HLA-DPB1: variants seen among roughly 807,000 people sequenced by gnomAD.
HLA-DPB1 encodes the protein major histocompatibility complex, class II, DP beta 1.
HLA-DPB1 carries 30 observed loss-of-function variants against 29.4 expected under a neutral mutation model. The observed-to-expected ratio is 1.02, with a 90% CI of 0.76 to 1.38. The LOEUF is 1.38. HLA-DPB1 is among the 40% of genes most tolerant of loss of function. The probability of loss-of-function intolerance (pLI) is 0.00; values close to 1 mark genes in which losing one functional copy is unlikely to be tolerated. For missense variants in HLA-DPB1, 261 were observed against 327.5 expected (o/e 0.80, Z 1.57); for synonymous variants, 114 against 134.0 (o/e 0.85, Z 1.03).
chr6:33,089,121 G>T lies in HLA-DPB1; in HGVS notation c.*2587G>T, dbSNP rs1222047323. Reference sequence around the variant, plus strand: ...TGGAAGGAGGTGGGAGTTGGGCATCGGGTGTGAAGATGCTCTTGAAAGGGG... The same window carrying T: ...TGGAAGGAGGTGGGAGTTGGGCATCTGGTGTGAAGATGCTCTTGAAAGGGG... On this transcript the variant is annotated 3_prime_UTR_variant, in exon 6 of 6. Coordinates refer to ENST00000418931, the MANE Select transcript of HLA-DPB1 (RefSeq NM_002121.6). 6.6e-6 allele frequency among the ~76,000 whole-genome samples: 1 copy of T among 152,120 alleles called. No individual in the cohort carries two copies. Among genetic ancestry groups the T allele is most frequent in the Admixed American group, 6.5e-5 (1 of 15,282 alleles).
intron 1 of HLA-DPB1, among the ~76,000 whole-genome samples, chr6:33,077,887 T>C (rs750266377): frequency 2.4e-4 from 36 of 149,724 alleles, no homozygotes; most frequent in Admixed American, 6.1e-4. Context: ...TACCTTGGGT[T>C]CATTGTCCAG....
chr6:33,088,061 AC>A lies in HLA-DPB1; in HGVS notation c.*1530del, dbSNP rs1413132355. Among the ~76,000 whole-genome samples the A allele has an allele frequency of 4.0e-5, 5 of 126,006 alleles. No individual in the cohort carries two copies. The highest frequency in any genetic ancestry group is 1.5e-4 in the African/African-American group (4 of 27,478). The allele number at this position is 126,006 out of a possible 152,430, so 82.7% of individuals were successfully genotyped here. ...GGAAGACAGTATATAGTAAATAAGG[AC>A]CCTTTATCTGTCTTATTTTCCCTTT... On this transcript the variant is annotated 3_prime_UTR_variant, in exon 6 of 6. Transcript: ENST00000418931.
chr6:33,082,718 A>T (rs1762929073), intron 2 of HLA-DPB1, among the ~76,000 whole-genome samples: 1 of 152,142 alleles, frequency 6.6e-6, no homozygotes, highest in Non-Finnish European at 1.5e-5. Context: ...AAGGGGGAGG[A>T]AAGAAGTAGT....
At chr6:33,085,542 A>G (rs1763058469) in intron 3 of HLA-DPB1, among the ~76,000 whole-genome samples, 1 of 152,138 alleles carries the variant, frequency 6.6e-6, no homozygotes, top group Non-Finnish European at 1.5e-5. Context: ...TCAGCATTTT[A>G]GCCTCTTCTC....
chr6:33,085,996 C>G, intron 4 of HLA-DPB1, 107 bp downstream of exon 4: 1 of 795,374 alleles, frequency 1.3e-6, no homozygotes, highest in East Asian at 2.6e-5. Flanking sequence ...GCTCTAGAGG[C>G]CACTGATATC....
intron 1 of HLA-DPB1, among the ~76,000 whole-genome samples, chr6:33,076,379 G>GTATGGT (rs9282410): frequency 1.3e-5 from 2 of 151,756 alleles, no homozygotes; most frequent in South Asian, 4.1e-4. Context: ...CCAGTGGTCA[G>GTATGGT]TGTCTTTGGG....
rs1188513737 is a variant in HLA-DPB1 at position 33,086,030 on chromosome 6, C to T, written c.757+141C>T. The T allele has an allele frequency of 2.1e-5, 16 of 771,380 alleles. No individual in the cohort carries two copies. In the Admixed American group the frequency reaches 2.5e-4, roughly 12 times the overall value. 47.8% of individuals were successfully genotyped at this position (771,380 alleles called of 1,614,324 possible). A position where few individuals can be genotyped will look rare whatever the true frequency, so the allele number is the denominator to read the frequency against. On this transcript the variant is annotated intron_variant, in intron 4 of 5. Coordinates refer to ENST00000418931, the MANE Select transcript of HLA-DPB1 (RefSeq NM_002121.6). ...TCAGATAATCGGGGAACAAACATGA[C>T]CTATAGCGAGAGAGGGATCCCAGGC...
intron 2 of HLA-DPB1, chr6:33,082,146 A>T: frequency 6.6e-6 from 1 of 152,270 alleles, no homozygotes; most frequent in Middle Eastern, 3.2e-3. Context: ...GAGGTGAGTG[A>T]CATGAGCTTA....
At chr6:33,083,159 T>C (rs1448757215) in intron 2 of HLA-DPB1, among the ~76,000 whole-genome samples, 2 of 152,168 alleles carry the variant, frequency 1.3e-5, no homozygotes, top group African/African-American at 4.8e-5. Flanking sequence ...TAAACTCACA[T>C]TGAGGGAAGA....
intron 1 of HLA-DPB1, among the ~76,000 whole-genome samples, chr6:33,078,308 G>C (rs959480953): frequency 1.3e-5 from 2 of 152,116 alleles, no homozygotes; most frequent in Non-Finnish European, 2.9e-5. Flanking sequence ...ATCAAAACCT[G>C]CTGGAGGGAG....
chr6:33,084,880 G>A (rs914581797), intron 2 of HLA-DPB1, 70 bp from the exon 3 acceptor site: 1 of 557,082 alleles, frequency 1.8e-6, no homozygotes, highest in Non-Finnish European at 2.5e-6. Flanking sequence ...AAGGAAGGAA[G>A]GAAGGAAGGA....
Position 33,085,021 on chromosome 6 carries a change from G to T in HLA-DPB1, c.436G>T (p.Val146Leu), listed in dbSNP as rs1230531027. The change falls in exon 3 of 6, where the codon GTG becomes TTG. Residue 146 changes from valine to leucine, a missense_variant. Val to Leu is a conservative substitution (Grantham distance 32, BLOSUM62 1). Coordinates refer to ENST00000418931, the MANE Select transcript of HLA-DPB1 (RefSeq NM_002121.6). ...GCACCACAACCTGCTTGTCTGCCACGTGACGGATTTCTACCCAGGCAGCAT... is the reference window on the plus strand; with the variant it reads ...GCACCACAACCTGCTTGTCTGCCACTTGACGGATTTCTACCCAGGCAGCAT... Reference protein sequence around the residue: ...LQHHNLLVCHVTDFYPGSIQV... With the variant: ...LQHHNLLVCHLTDFYPGSIQV... 9.9e-6 allele frequency: 16 copies of T among 1,613,114 alleles called. 2 individuals are homozygous for T. Among genetic ancestry groups the T allele is most frequent in the Non-Finnish European group, 1.4e-5 (16 of 1,179,694 alleles).
rs529260101 is a variant in HLA-DPB1, at chr6:33,081,078, T to C, written c.364+143T>C. The C allele has an allele frequency of 9.1e-6, 9 of 987,788 alleles. No individual in the cohort carries two copies. The South Asian group carries it at 1.0e-4, about 11-fold the overall frequency. 61.2% of individuals were successfully genotyped at this position (987,788 alleles called of 1,614,324 possible). A position where few individuals can be genotyped will look rare whatever the true frequency, so the allele number is the denominator to read the frequency against. ...GTTGGGGATTCATGGGGGGAGCCCA[T>C]CTGGAGCTTGTCAGGGGAGCGAGCG... On this transcript the variant is annotated intron_variant, in intron 2 of 5. Transcript: ENST00000418931.
chr6:33,076,047 G>A lies in HLA-DPB1; in HGVS notation c.6G>A (p.Met2Ile), dbSNP rs1169806514. ...TGCCATCCTTTTCCAGCTCCATGAT[G>A]GTTCTGCAGGTTTCTGCGGCCCCCC... Reference protein sequence around the residue: MMVLQVSAAPRT... With the variant: MIVLQVSAAPRT... Residue 2 changes from methionine to isoleucine, a missense_variant, in exon 1 of 6, where the codon ATG becomes ATA. Met to Ile is a conservative substitution (Grantham distance 10, BLOSUM62 1). Coordinates refer to ENST00000418931, the MANE Select transcript of HLA-DPB1 (RefSeq NM_002121.6). 2 of 1,611,442 alleles carry A rather than the reference G, an allele frequency of 1.2e-6. No individual in the cohort carries two copies. Among genetic ancestry groups the A allele is most frequent in the Non-Finnish European group, 1.7e-6 (2 of 1,179,278 alleles).
Position 33,085,209 on chromosome 6 carries a change from T to C in HLA-DPB1, c.624T>C (p.Asp208=), listed in dbSNP as rs1071597. The change falls in exon 3 of 6, where the codon GAT becomes GAC. Residue 208 remains aspartate (D), a synonymous_variant. Coordinates refer to ENST00000418931, the MANE Select transcript of HLA-DPB1 (RefSeq NM_002121.6). ...GCCAAGTGGAGCACACCAGCCTGGATAGTCCTGTCACCGTGGAGTGGAGTG... is the reference window on the plus strand; with the variant it reads ...GCCAAGTGGAGCACACCAGCCTGGACAGTCCTGTCACCGTGGAGTGGAGTG... ...YTCQVEHTSL[D]SPVTVEWKAQ... 0.31 allele frequency: 493,939 copies of C among 1,576,920 alleles called. 87,014 individuals are homozygous for C. Among genetic ancestry groups the C allele is most frequent in the East Asian group, 0.6 (26,923 of 44,662 alleles).
chr6:33,076,968 G>A (rs965275316), intron 1 of HLA-DPB1, among the ~76,000 whole-genome samples: 2 of 151,808 alleles, frequency 1.3e-5, no homozygotes, highest in Admixed American at 6.6e-5. Flanking sequence ...TGTGCACAAC[G>A]TGCAGGTTTG....
At chr6:33,076,264 C>G (rs1260998283) in intron 1 of HLA-DPB1, 123 bp downstream of exon 1, 2 of 650,690 alleles carry the variant, frequency 3.1e-6, no homozygotes, top group Non-Finnish European at 2.7e-6. Context: ...GCAGTGTCCT[C>G]TCTTCCCAGC....
rs150519959 is a variant in HLA-DPB1 at position 33,084,849 on chromosome 6, AAAGGAAGGAAGGAAGGAAGGAAGG to A, written c.365-74_365-51del. On this transcript the variant is annotated intron_variant, in intron 2 of 5. Coordinates refer to ENST00000418931, the MANE Select transcript of HLA-DPB1 (RefSeq NM_002121.6). ...AAAGAGCGAGATTATGTCTCAAAAA[AAAGGAAGGAAGGAAGGAAGGAAGG>A]AAGGAAGGAAGGAAGGAAGGAAGGA... 3.0e-5 allele frequency: 20 copies of A among 663,324 alleles called. 5 individuals are homozygous for A. Among genetic ancestry groups the A allele is most frequent in the African/African-American group, 2.5e-4 (6 of 24,124 alleles). The allele number at this position is 663,324 out of a possible 1,614,324, so 41.1% of individuals were successfully genotyped here.
chr6:33,086,363 A>C, intron 5 of HLA-DPB1, 121 bp downstream of exon 5: 1 of 852,642 alleles, frequency 1.2e-6, no homozygotes, highest in Non-Finnish European at 2.0e-6. Flanking sequence ...CCCTCTTTCA[A>C]TGTCAGCCTT....
Sources: gnomAD v4.1 joint callset for allele counts (sites outside exome capture counted in the v4.1 genomes callset) on GRCh38, gnomAD v4.1.1 for gene constraint, MANE v1.5 for transcripts, NCBI Gene and HGNC (gene_info 2026-07-23, HGNC 2026-07-21) for gene names.